Variants in FAM135A observed in about 807,000 individuals in gnomAD.
FAM135A encodes the protein family with sequence similarity 135 member A.
Under a neutral mutation model 146.8 loss-of-function variants are expected in FAM135A, and 79 were observed. The observed-to-expected ratio is 0.54, with a 90% CI of 0.45 to 0.65. FAM135A has a LOEUF of 0.65. Among genes scored for constraint, FAM135A ranks in the 30% least tolerant of loss-of-function variants. FAM135A has a pLI of 0.00. For synonymous variants in FAM135A, 562 were observed against 603.6 expected (o/e 0.93, Z 1.01); for missense variants, 1,623 against 1,758.2 (o/e 0.92, Z 1.38).
At chr6:70,452,440 T>C (rs1393140008) in intron 4 of FAM135A, 52 bp from the exon 5 acceptor site, 8 of 1,333,900 alleles carry the variant, frequency 6.0e-6, no homozygotes, top group Admixed American at 1.9e-5. Context: ...GTCGGGGCAT[T>C]GCATATTTTT....
chr6:70,526,766 T>TACACACACACACAC lies in FAM135A; in HGVS notation c.3614+92_3614+105dup, dbSNP rs71538422. On this transcript the variant is annotated intron_variant, in intron 15 of 21. Transcript: ENST00000418814. ...ATATATATATACACACACACACACA[T>TACACACACACACAC]ACACACACACACACACACACACACA... The TACACACACACACAC allele has an allele frequency of 4.5e-4, 204 of 452,682 alleles. No homozygotes were observed. The African/African-American group carries it at 4.9e-3, about 11-fold the overall frequency. The allele number at this position is 452,682 out of a possible 1,614,324, so 28.0% of individuals were successfully genotyped here. A position where few individuals can be genotyped will look rare whatever the true frequency, so the allele number is the denominator to read the frequency against.
intron 12 of FAM135A, among the ~76,000 whole-genome samples, chr6:70,520,838 A>G (rs1470763432): frequency 6.6e-6 from 1 of 152,230 alleles, no homozygotes; most frequent in Non-Finnish European, 1.5e-5. Context: ...TAGCTACAGC[A>G]TGATAATTAT....
intron 5 of FAM135A, among the ~76,000 whole-genome samples, chr6:70,468,343 C>G (rs1780872689): frequency 6.6e-6 from 1 of 152,112 alleles, no homozygotes; most frequent in Admixed American, 6.5e-5. Context: ...TATCTACTTT[C>G]CAATATAATG....
At chr6:70,505,876 GT>G (rs1294192220) in intron 12 of FAM135A, among the ~76,000 whole-genome samples, 1 of 151,966 alleles carries the variant, frequency 6.6e-6, no homozygotes, top group Non-Finnish European at 1.5e-5. Context: ...AAATACTGTT[GT>G]TTTATAGGAC....
rs969610894 is a variant in FAM135A at position 70,413,967 on chromosome 6, C to T, written c.-220+265C>T. 1.0e-5 allele frequency: 10 copies of T among 985,596 alleles called. No homozygotes were observed. The Admixed American group carries it at 4.3e-4, about 42-fold the overall frequency. The allele number at this position is 985,596 out of a possible 1,614,324, so 61.1% of individuals were successfully genotyped here. A position where few individuals can be genotyped will look rare whatever the true frequency, so the allele number is the denominator to read the frequency against. The stretch of plus-strand genomic sequence containing the variant: ...CCGGTGCCCGCGGCCGCCCCTGCCC[C>T]TGCGCGCGTCCCTCGACCCGTTCTT... On this transcript the variant is annotated intron_variant, in intron 1 of 21. Coordinates refer to ENST00000418814, the MANE Select transcript of FAM135A (RefSeq NM_001162529.3).
At chr6:70,528,712 T>TC (rs1741554433) in intron 16 of FAM135A, among the ~76,000 whole-genome samples, 1 of 151,558 alleles carries the variant, frequency 6.6e-6, no homozygotes, top group Admixed American at 6.6e-5. Context: ...ATTTTTTTTT[T>TC]CATTATACTT....
intron 4 of FAM135A, among the ~76,000 whole-genome samples, chr6:70,438,342 C>G (rs1045382055): frequency 6.6e-6 from 1 of 152,182 alleles, no homozygotes; most frequent in Non-Finnish European, 1.5e-5. Flanking sequence ...TTTCAGTTAC[C>G]TGCAATCCAC....
At chr6:70,469,212 G>A (rs1239646499) in intron 5 of FAM135A, among the ~76,000 whole-genome samples, 1 of 152,134 alleles carries the variant, frequency 6.6e-6, no homozygotes, top group Non-Finnish European at 1.5e-5. Context: ...CAAACACCTA[G>A]AGAATACCTG....
At chr6:70,442,225 A>T (rs1774674238) in intron 4 of FAM135A, among the ~76,000 whole-genome samples, 1 of 149,556 alleles carries the variant, frequency 6.7e-6, no homozygotes, top group South Asian at 2.1e-4. Context: ...TAAATATTTA[A>T]AATTTCTTCA....
chr6:70,429,291 T>A (rs1328047949), intron 4 of FAM135A, among the ~76,000 whole-genome samples: 1 of 152,094 alleles, frequency 6.6e-6, no homozygotes, highest in Non-Finnish European at 1.5e-5. Flanking sequence ...GGCGGGCAGA[T>A]CACCAGAGGT....
At chr6:70,438,296 C>T (rs547512989) in intron 4 of FAM135A, among the ~76,000 whole-genome samples, 2 of 152,180 alleles carry the variant, frequency 1.3e-5, no homozygotes, top group Non-Finnish European at 2.9e-5. Flanking sequence ...AAAATACTTA[C>T]AGTAATCCTC....
intron 2 of FAM135A, among the ~76,000 whole-genome samples, chr6:70,417,395 G>A (rs1303818429): frequency 1.3e-5 from 2 of 151,730 alleles, no homozygotes; most frequent in Non-Finnish European, 2.9e-5. Flanking sequence ...TGTATTTTTA[G>A]TAGAGATGGG....
chr6:70,452,396 A>G, intron 4 of FAM135A, 96 bp from the exon 5 acceptor site: 1 of 896,186 alleles, frequency 1.1e-6, no homozygotes, highest in Non-Finnish European at 1.7e-6. Flanking sequence ...AATTAGGCCA[A>G]CTTTATTATT....
At chr6:70,429,959 G>A (rs934090065) in intron 4 of FAM135A, among the ~76,000 whole-genome samples, 1 of 151,780 alleles carries the variant, frequency 6.6e-6, no homozygotes. Context: ...AGCTGTGCCT[G>A]TGCTGTGGTC....
chr6:70,526,890 G>A (rs768786576), intron 15 of FAM135A, among the ~76,000 whole-genome samples, 192 bp downstream of exon 15: 8 of 151,686 alleles, frequency 5.3e-5, no homozygotes, highest in African/African-American at 1.2e-4. Flanking sequence ...CTTCTTTGAT[G>A]ACTATCCGAA....
chr6:70,430,297 A>G (rs1039388595), intron 4 of FAM135A, among the ~76,000 whole-genome samples: 2 of 152,036 alleles, frequency 1.3e-5, no homozygotes, highest in African/African-American at 4.8e-5. Flanking sequence ...ACACGGTGCC[A>G]CTGCACTCCA....
chr6:70,551,234 A>C (rs1235921782), intron 20 of FAM135A, among the ~76,000 whole-genome samples: 2 of 152,174 alleles, frequency 1.3e-5, no homozygotes, highest in Non-Finnish European at 2.9e-5. Context: ...ACTCTTTGGC[A>C]CAAGAAGCCT....
At chr6:70,483,360 G>A (rs1582451877) in intron 10 of FAM135A, among the ~76,000 whole-genome samples, 1 of 152,246 alleles carries the variant, frequency 6.6e-6, no homozygotes, top group East Asian at 1.9e-4. Flanking sequence ...ATAGGAAAAT[G>A]TGTTTATTCT....
intron 4 of FAM135A, among the ~76,000 whole-genome samples, chr6:70,442,455 G>A (rs1774776785): frequency 6.6e-6 from 1 of 151,986 alleles, no homozygotes; most frequent in Non-Finnish European, 1.5e-5. Flanking sequence ...ACTCTGTAAA[G>A]TCCACTATAT....
Sources: allele counts gnomAD v4.1 joint callset (sites outside exome capture counted in the v4.1 genomes callset), GRCh38; gene constraint gnomAD v4.1.1; transcripts MANE v1.5; gene names NCBI Gene and HGNC (gene_info 2026-07-23, HGNC 2026-07-21).